TTC39B: variants seen among roughly 807,000 people sequenced by gnomAD.
TTC39B encodes the protein tetratricopeptide repeat domain 39B.
TTC39B carries 92 observed loss-of-function variants against 96.6 expected under a neutral mutation model. That is an observed-to-expected ratio of 0.95 (90% confidence interval 0.80 to 1.13). The LOEUF is 1.13. TTC39B is among the 50% of genes most tolerant of loss of function. The pLI is 0.00. For missense variants in TTC39B, 955 were observed against 809.3 expected, an observed-to-expected ratio of 1.18 and a Z score of -2.18; for synonymous variants, 367 against 299.4, an observed-to-expected ratio of 1.23 and a Z score of -2.33.
chr9:15,269,380 G>T (rs1033742334), intron 1 of TTC39B, among the ~76,000 whole-genome samples: 1 of 152,190 alleles, frequency 6.6e-6, no homozygotes, highest in African/African-American at 2.4e-5. Flanking sequence ...ATGAATGAAT[G>T]AATGAATGGA....
In TTC39B at chr9:15,306,781, T is replaced by A. The variant is rs1824766836; in HGVS notation, c.240+303A>T. ...GAACAGCTCAGAGCTGCGGGTCCTA[T>A]GGTCCCGCGCCCTCACGCCCATCCA... On this transcript the variant is annotated intron_variant, in intron 1 of 19. Transcript: ENST00000512701. The surrounding 1 kb of genome is among the most constrained non-coding windows in gnomAD (Gnocchi z 5.1). Among the ~76,000 whole-genome samples the A allele has an allele frequency of 6.6e-6, 1 of 152,278 alleles. No individual in the cohort carries two copies. Among genetic ancestry groups the A allele is most frequent in the South Asian group, 2.1e-4 (1 of 4,832 alleles).
At chr9:15,260,205 C>T (rs1822895234) in intron 2 of TTC39B, among the ~76,000 whole-genome samples, 1 of 151,582 alleles carries the variant, frequency 6.6e-6, no homozygotes, top group Admixed American at 6.6e-5. Context: ...CATTTCCTTA[C>T]TGTGCCTTCC....
chr9:15,201,813 C>A (rs1000732278), intron 7 of TTC39B, among the ~76,000 whole-genome samples: 1 of 152,016 alleles, frequency 6.6e-6, no homozygotes, highest in Non-Finnish European at 1.5e-5. Flanking sequence ...AAAAAGTACC[C>A]CCCTCATTTG....
intron 2 of TTC39B, among the ~76,000 whole-genome samples, chr9:15,234,084 G>A (rs1358719199): frequency 5.9e-5 from 7 of 119,088 alleles, no homozygotes; most frequent in South Asian, 3.0e-4. Flanking sequence ...GCCCGGCCGC[G>A]ACCCCATCTG....
chr9:15,250,128 C>A, intron 2 of TTC39B: 1 of 1,237,146 alleles, frequency 8.1e-7, no homozygotes, highest in Non-Finnish European at 1.0e-6. Flanking sequence ...GTTGCCGAGG[C>A]AGCTGACAGC....
chr9:15,214,334 G>C (rs1310706058), intron 3 of TTC39B, 85 bp from the exon 4 acceptor site: 8 of 817,592 alleles, frequency 9.8e-6, no homozygotes, highest in African/African-American at 3.6e-5. Flanking sequence ...GTGTGTGTGT[G>C]TGTGTGTGTG....
intron 2 of TTC39B, among the ~76,000 whole-genome samples, chr9:15,254,285 A>AT (rs932912167): frequency 5.9e-5 from 9 of 151,856 alleles, no homozygotes; most frequent in African/African-American, 9.7e-5. Flanking sequence ...TATTTGTTAG[A>AT]TTTTTTTTAA....
rs145730734 is a variant in TTC39B at position 15,210,732 on chromosome 9, A to T, written c.614+534T>A. Among the ~76,000 whole-genome samples, 9 of 152,296 alleles carry T rather than the reference A, an allele frequency of 5.9e-5. No homozygotes were observed. The East Asian group carries it at 1.7e-3, about 29-fold the overall frequency. On this transcript the variant is annotated intron_variant, in intron 5 of 19. Transcript: ENST00000512701. ...ATTCCTAAATGTCCACAAACCAAGC[A>T]TCTTCCATACTGTGAAACACCTATC...
exon 20 of TTC39B, chr9:15,170,903 C>G (rs1395556260): frequency 6.6e-6 from 1 of 152,198 alleles, no homozygotes; most frequent in African/African-American, 2.4e-5. Context: ...TACATAGACT[C>G]ACAGTTATAA....
chr9:15,187,851 T>C lies in TTC39B; in HGVS notation c.1395+120A>G. ...ACTTAAGGCACATTTCCTCCTTTTG[T>C]GGATCTCTAAGTTGAGAAAACACTG... On this transcript the variant is annotated intron_variant, in intron 14 of 19. Coordinates refer to ENST00000512701, the Ensembl canonical transcript of TTC39B. The C allele has an allele frequency of 3.8e-6, 4 of 1,060,682 alleles. 1 individual carries two copies. The highest frequency in any genetic ancestry group is 4.6e-4 in the Middle Eastern group (2 of 4,306). 65.7% of individuals were successfully genotyped at this position (1,060,682 alleles called of 1,614,324 possible). A position where few individuals can be genotyped will look rare whatever the true frequency, so the allele number is the denominator to read the frequency against.
At chr9:15,230,910 G>A (rs1197692668) in intron 2 of TTC39B, among the ~76,000 whole-genome samples, 12 of 152,008 alleles carry the variant, frequency 7.9e-5, no homozygotes, top group Admixed American at 6.5e-5. Context: ...GCTTGAACCC[G>A]GGAGGCGGAG....
At position 15,192,773 on chromosome 9, in the gene TTC39B, T is replaced by C. The variant is rs7871928; in HGVS notation, c.825-78A>G. ...AATATTAAATCAAATTTTACACTTA[T>C]GTGCTATAAAATAAATGTCATTAAT... On this transcript the variant is annotated intron_variant, in intron 8 of 19. Coordinates refer to ENST00000512701, the Ensembl canonical transcript of TTC39B. 2,121 of 965,396 alleles carry C rather than the reference T, an allele frequency of 2.2e-3. 29 individuals carry two copies. The African/African-American group carries it at 0.031, about 14-fold the overall frequency. 59.8% of individuals were successfully genotyped at this position (965,396 alleles called of 1,614,324 possible).
At chr9:15,293,731 C>A (rs1824273086) in intron 1 of TTC39B, among the ~76,000 whole-genome samples, 1 of 152,218 alleles carries the variant, frequency 6.6e-6, no homozygotes, top group South Asian at 2.1e-4. Context: ...TGCCTCCTTA[C>A]ATATTTTAAG....
rs1817533719 is a variant in TTC39B, at chr9:15,166,999, TATATATATATATATATATATATATATA to T, written c.*4993_*5019del. Reference sequence around the variant, plus strand: ...CCTTTATTTTATATATATATATATATATATATATATATATATATATATATATATATTTTTTTTTTTTTTTTTTTTTTT... The same window carrying T: ...CCTTTATTTTATATATATATATATATTATTTTTTTTTTTTTTTTTTTTTTT... On this transcript the variant is annotated 3_prime_UTR_variant, in exon 20 of 20. Coordinates refer to ENST00000512701, the Ensembl canonical transcript of TTC39B. 31 of 6,450 alleles carry T rather than the reference TATATATATATATATATATATATATATA, an allele frequency of 4.8e-3. 1 individual carries two copies. Among genetic ancestry groups the T allele is most frequent in the African/African-American group, 0.012 (24 of 1,952 alleles). The allele number at this position is 6,450 out of a possible 1,614,324, so 0.4% of individuals were successfully genotyped here.
chr9:15,256,880 A>G (rs1181425417), intron 2 of TTC39B, among the ~76,000 whole-genome samples: 1 of 152,144 alleles, frequency 6.6e-6, no homozygotes, highest in Non-Finnish European at 1.5e-5. Flanking sequence ...ACCACCTCAA[A>G]CCTTATGAAC....
exon 20 of TTC39B, chr9:15,167,015 TATATATATA>T (rs1261965837): frequency 1.5e-3 from 13 of 8,408 alleles, no homozygotes; most frequent in South Asian, 4.2e-3. Context: ...TATATATATA[TATATATATA>T]TATATTTTTT....
intron 3 of TTC39B, among the ~76,000 whole-genome samples, chr9:15,218,966 C>G (rs1046927938): frequency 6.6e-6 from 1 of 152,062 alleles, no homozygotes; most frequent in African/African-American, 2.4e-5. Context: ...AATTTTTACT[C>G]GCTTATGTTA....
chr9:15,270,289 C>A (rs16932884), intron 1 of TTC39B, among the ~76,000 whole-genome samples: 2 of 152,098 alleles, frequency 1.3e-5, no homozygotes, highest in African/African-American at 2.4e-5. Context: ...GGCCAGCACA[C>A]AGGTTATCAT....
exon 5 of TTC39B, chr9:15,211,369 C>A: frequency 6.3e-7 from 1 of 1,590,494 alleles, no homozygotes. Flanking sequence ...GTACTGTAGC[C>A]CAAGGCATGG....
Sources: allele counts gnomAD v4.1 joint callset (sites outside exome capture counted in the v4.1 genomes callset), GRCh38; gene constraint gnomAD v4.1.1; non-coding constraint Gnocchi (gnomAD v3.1); transcripts MANE v1.5; gene names NCBI Gene and HGNC (gene_info 2026-07-23, HGNC 2026-07-21).